PALS1: variants seen among roughly 807,000 people sequenced by gnomAD.
PALS1 encodes the protein protein associated with LIN7 1, MAGUK p55 family member, also known as protein PALS1.
In PALS1, 31 loss-of-function variants were observed where a neutral mutation model predicts 78.9. The ratio of observed to expected loss-of-function variants is 0.39; its 90% CI spans 0.30 to 0.53. The LOEUF is 0.53. Among genes scored for constraint, PALS1 ranks in the 20% least tolerant of loss-of-function variants. The pLI is 0.67. For missense variants in PALS1, 704 were observed against 826.5 expected (o/e 0.85, Z 1.82); for synonymous variants, 276 against 270.9 (o/e 1.02, Z -0.18).
chr14:67,284,951 G>A (rs1236427336), intron 3 of PALS1, among the ~76,000 whole-genome samples: 1 of 151,872 alleles, frequency 6.6e-6, no homozygotes, highest in Non-Finnish European at 1.5e-5. Flanking sequence ...GGATCTCACT[G>A]TGTTGCCCAG....
chr14:67,300,347 T>TTTTTTTTTTTTTTTTTG (rs2084914312), intron 4 of PALS1, among the ~76,000 whole-genome samples: 1 of 151,598 alleles, frequency 6.6e-6, no homozygotes, highest in African/African-American at 2.4e-5. Flanking sequence ...TTTTTTTTTT[T>TTTTTTTTTTTTTTTTTG]GAGAAAGTCT....
chr14:67,323,232 CGTGTGTGTGT>C (rs35018637), intron 13 of PALS1, among the ~76,000 whole-genome samples: 11 of 143,590 alleles, frequency 7.7e-5, no homozygotes, highest in South Asian at 2.4e-4. Flanking sequence ...CATATATACA[CGTGTGTGTGT>C]GTGTGTGTGT....
chr14:67,325,894 C>T (rs28405138), intron 14 of PALS1, among the ~76,000 whole-genome samples: 23,377 of 151,080 alleles, frequency 0.15, 3,440 homozygotes, highest in East Asian at 0.42. Flanking sequence ...CTGCAACCTC[C>T]GCCTCCTGGG....
At chr14:67,286,310 CTG>C (rs1446535897) in intron 3 of PALS1, among the ~76,000 whole-genome samples, 3 of 152,090 alleles carry the variant, frequency 2.0e-5, no homozygotes, top group Non-Finnish European at 4.4e-5. Flanking sequence ...CTTCTTGTGT[CTG>C]TTGTCTGTCT....
Position 67,321,162 on chromosome 14 carries a change from A to G in PALS1, c.1643A>G (p.His548Arg), listed in dbSNP as rs375896107. 3.3e-5 allele frequency: 54 copies of G among 1,614,114 alleles called. No homozygotes were observed. The highest frequency in any genetic ancestry group is 4.3e-5 in the Non-Finnish European group (51 of 1,180,038). The change falls in exon 13 of 15, where the codon CAT becomes CGT. Residue 548 changes from histidine to arginine, a missense_variant. His to Arg is a conservative substitution (Grantham distance 29, BLOSUM62 0). Coordinates refer to ENST00000261681, the MANE Select transcript of PALS1 (RefSeq NM_022474.4). ...ATAGCAGCTGGAAAGTTCATTGAGC[A>G]TGGTGAATTTGAGAAGAATTTGTAT... ...ADIAAGKFIE[H>R]GEFEKNLYGT...
chr14:67,333,837 TGCTAATA>T lies in PALS1; in HGVS notation c.*883_*889del, dbSNP rs2085486469. Reference sequence around the variant, plus strand: ...GACTTAAAAAGTTTCTTCCTCATGATGCTAATAGTTTTTTGTATACATGGGAGGATAG... The same window carrying T: ...GACTTAAAAAGTTTCTTCCTCATGATGTTTTTTGTATACATGGGAGGATAG... On this transcript the variant is annotated 3_prime_UTR_variant, in exon 15 of 15. Transcript: ENST00000261681. 1 of 152,628 alleles carries T rather than the reference TGCTAATA, an allele frequency of 6.6e-6. No individual in the cohort carries two copies. Among genetic ancestry groups the T allele is most frequent in the Admixed American group, 6.5e-5 (1 of 15,278 alleles). The allele number at this position is 152,628 out of a possible 1,614,324, so 9.5% of individuals were successfully genotyped here.
chr14:67,303,656 T>C (rs1209659020), intron 8 of PALS1, 57 bp downstream of exon 8: 6 of 1,154,826 alleles, frequency 5.2e-6, no homozygotes, highest in South Asian at 1.2e-5. Flanking sequence ...TTTACTTCTG[T>C]TACTGTTTAC....
intron 4 of PALS1, among the ~76,000 whole-genome samples, chr14:67,297,827 G>T (rs1385740643): frequency 6.6e-6 from 1 of 152,188 alleles, no homozygotes; most frequent in Non-Finnish European, 1.5e-5. Context: ...CCAATAGTCA[G>T]ATATGAAGCT....
rs530863294 is a variant in PALS1, at chr14:67,284,429, T to TAAAAAAA, written c.367+4901_367+4907dup. On this transcript the variant is annotated intron_variant, in intron 3 of 14. Transcript: ENST00000261681. ...CTTGGGCAACATAGACCCTATCTCT[T>TAAAAAAA]AAAAAAAAAAAAAAACAGCTGGGCA... Among the ~76,000 whole-genome samples, 32 of 92,676 alleles carry TAAAAAAA rather than the reference T, an allele frequency of 3.5e-4. 5 individuals carry two copies. The highest frequency in any genetic ancestry group is 1.8e-3 in the African/African-American group (28 of 15,842). The allele number at this position is 92,676 out of a possible 152,430, so 60.8% of individuals were successfully genotyped here. A position where few individuals can be genotyped will look rare whatever the true frequency, so the allele number is the denominator to read the frequency against.
chr14:67,277,583 T>C (rs2084527253), intron 2 of PALS1, among the ~76,000 whole-genome samples: 1 of 151,968 alleles, frequency 6.6e-6, no homozygotes, highest in Non-Finnish European at 1.5e-5. Flanking sequence ...TTACTGTAAA[T>C]ATTATTGCTC....
intron 13 of PALS1, among the ~76,000 whole-genome samples, chr14:67,323,232 C>CGTGTGTGTGTGTGTGTGTGTGTGTGT (rs35018637): frequency 7.0e-6 from 1 of 143,592 alleles, no homozygotes; most frequent in African/African-American, 2.6e-5. Flanking sequence ...CATATATACA[C>CGTGTGTGTGTGTGTGTGTGTGTGTGT]GTGTGTGTGT....
rs10144212 is a variant in PALS1, at chr14:67,329,880, A to G, written c.1852-2900A>G. On this transcript the variant is annotated intron_variant, in intron 14 of 14. Coordinates refer to ENST00000261681, the MANE Select transcript of PALS1 (RefSeq NM_022474.4). The stretch of plus-strand genomic sequence containing the variant: ...TAAATAAATAAATAAATAAATAAAT[A>G]GATATAGAAACTAAGAAGATGATGG... Among the ~76,000 whole-genome samples the G allele has an allele frequency of 4.9e-3, 437 of 89,668 alleles. 4 individuals carry two copies. Among genetic ancestry groups the G allele is most frequent in the African/African-American group, 0.04 (425 of 10,600 alleles). 58.8% of individuals were successfully genotyped at this position (89,668 alleles called of 152,430 possible).
At chr14:67,256,623 T>C (rs752918243) in intron 1 of PALS1, among the ~76,000 whole-genome samples, 1 of 152,108 alleles carries the variant, frequency 6.6e-6, no homozygotes, top group Non-Finnish European at 1.5e-5. Flanking sequence ...TCTTGGCTCA[T>C]TGCAACCTTA....
At chr14:67,255,367 C>T (rs888046837) in intron 1 of PALS1, among the ~76,000 whole-genome samples, 1 of 152,136 alleles carries the variant, frequency 6.6e-6, no homozygotes, top group Non-Finnish European at 1.5e-5. Flanking sequence ...TAATCAGAAT[C>T]ATGAACCTGA....
chr14:67,281,358 AT>A (rs1463156263), intron 3 of PALS1, among the ~76,000 whole-genome samples: 1 of 152,214 alleles, frequency 6.6e-6, no homozygotes, highest in African/African-American at 2.4e-5. Flanking sequence ...GCCTTCAGAC[AT>A]TTTAATTACA....
At chr14:67,260,862 T>C (rs892692571) in intron 1 of PALS1, among the ~76,000 whole-genome samples, 5 of 152,084 alleles carry the variant, frequency 3.3e-5, no homozygotes, top group African/African-American at 1.2e-4. Context: ...GCAAGTAGTT[T>C]GATTCAGAAG....
chr14:67,279,308 G>A lies in PALS1; in HGVS notation c.138G>A (p.Arg46=). The change falls in exon 3 of 15, where the codon AGG becomes AGA. Residue 46 remains arginine, a synonymous_variant. Coordinates refer to ENST00000261681, the MANE Select transcript of PALS1 (RefSeq NM_022474.4). ...ACTGCCCTGGAGATTTGGGCACCAGGATGATGCCAATACGTCGAAGTGCAC... is the reference window on the plus strand; with the variant it reads ...ACTGCCCTGGAGATTTGGGCACCAGAATGATGCCAATACGTCGAAGTGCAC... The part of the protein sequence containing the change: ...AVDCPGDLGT[R]MMPIRRSAQL... The A allele has an allele frequency of 6.2e-7, 1 of 1,613,924 alleles. No individual in the cohort carries two copies. The highest frequency in any genetic ancestry group is 2.2e-5 in the East Asian group (1 of 44,874).
intron 14 of PALS1, among the ~76,000 whole-genome samples, chr14:67,331,201 C>G (rs973439670): frequency 2.0e-5 from 3 of 152,038 alleles, no homozygotes; most frequent in African/African-American, 7.2e-5. Context: ...TGCACCATCA[C>G]GCCTGGCTAT....
intron 8 of PALS1, among the ~76,000 whole-genome samples, chr14:67,307,185 C>T (rs2085017629): frequency 6.6e-6 from 1 of 152,152 alleles, no homozygotes; most frequent in Non-Finnish European, 1.5e-5. Context: ...GAGTAACTGG[C>T]ACATTTGATC....
Sources: gnomAD v4.1 joint callset for allele counts (sites outside exome capture counted in the v4.1 genomes callset) on GRCh38, gnomAD v4.1.1 for gene constraint, MANE v1.5 for transcripts, NCBI Gene and HGNC (gene_info 2026-07-23, HGNC 2026-07-21) for gene names.